DLG2: variants seen among roughly 807,000 people sequenced by gnomAD.
The protein encoded by DLG2 is discs large MAGUK scaffold protein 2.
In DLG2, 45 loss-of-function variants were observed where a neutral mutation model predicts 132.5. The ratio of observed to expected loss-of-function variants is 0.34; its 90% CI spans 0.27 to 0.44. The LOEUF (loss-of-function observed/expected upper bound fraction) is 0.44, where lower values mean the gene tolerates loss of function less well. Ranked by LOEUF, DLG2 falls within the 20% of genes least tolerant of loss-of-function variation. The pLI is 1.00. For synonymous variants in DLG2, 424 were observed against 419.6 expected (o/e 1.01, Z -0.13); for missense variants, 1,045 against 1,196.9 (o/e 0.87, Z 1.87).
At chr11:84,999,301 T>G (rs1156833410) in intron 6 of DLG2, among the ~76,000 whole-genome samples, 1 of 152,184 alleles carries the variant, frequency 6.6e-6, no homozygotes, top group East Asian at 1.9e-4. Flanking sequence ...TTACTCATTT[T>G]TTATTCTCTG....
At chr11:84,647,822 TAC>T (rs1240008170) in intron 6 of DLG2, among the ~76,000 whole-genome samples, 1 of 152,204 alleles carries the variant, frequency 6.6e-6, no homozygotes, top group Non-Finnish European at 1.5e-5. Flanking sequence ...GGTGTGAATG[TAC>T]AGTGAAATGA....
chr11:84,777,324 T>TATATATATATATAC (rs1449220928), intron 6 of DLG2, among the ~76,000 whole-genome samples: 23 of 105,910 alleles, frequency 2.2e-4, no homozygotes, highest in South Asian at 3.2e-4. Context: ...TATATATATA[T>TATATATATATATAC]ACGTTTTCTT....
chr11:84,225,416 T>C (rs1195212551), intron 8 of DLG2, among the ~76,000 whole-genome samples: 1 of 152,254 alleles, frequency 6.6e-6, no homozygotes, highest in Non-Finnish European at 1.5e-5. Flanking sequence ...AATCCTGCTC[T>C]GTATATCTGG....
At chr11:83,490,877 A>G (rs2093801974) in intron 21 of DLG2, among the ~76,000 whole-genome samples, 1 of 152,028 alleles carries the variant, frequency 6.6e-6, no homozygotes, top group Non-Finnish European at 1.5e-5. Flanking sequence ...TGTAGTCCTG[A>G]GTCAGAAAAA....
intron 6 of DLG2, among the ~76,000 whole-genome samples, chr11:84,569,644 G>T (rs1315499533): frequency 2.6e-5 from 4 of 152,104 alleles, no homozygotes; most frequent in Non-Finnish European, 5.9e-5. Context: ...AGGAAGAAAA[G>T]GTCAGTGTAC....
chr11:84,792,073 C>T lies in DLG2; in HGVS notation c.358-257342G>A, dbSNP rs373407527. Among the ~76,000 whole-genome samples, 9 of 152,282 alleles carry T rather than the reference C, an allele frequency of 5.9e-5. No homozygotes were observed. The East Asian group carries it at 1.7e-3, about 29-fold the overall frequency. On this transcript the variant is annotated intron_variant, in intron 6 of 27. Coordinates refer to ENST00000376104, the MANE Select transcript of DLG2 (RefSeq NM_001142699.3). ...ATTATGATACTAGCTTTGTGTCTGA[C>T]ATATATGACTTTTATTATGTTGTAG...
intron 7 of DLG2, among the ~76,000 whole-genome samples, chr11:84,371,157 C>T (rs887780499): frequency 6.6e-6 from 1 of 151,596 alleles, no homozygotes; most frequent in East Asian, 1.9e-4. Context: ...AGACAAGCTG[C>T]GATTTTAATA....
intron 3 of DLG2, among the ~76,000 whole-genome samples, chr11:85,562,000 C>G (rs958028662): frequency 1.3e-5 from 2 of 151,824 alleles, no homozygotes; most frequent in Non-Finnish European, 2.9e-5. Context: ...CAGTAAATTA[C>G]TTATCTGCAG....
intron 6 of DLG2, among the ~76,000 whole-genome samples, chr11:85,043,421 G>C (rs953666935): frequency 6.6e-6 from 1 of 151,712 alleles, no homozygotes. Context: ...AGATGAGAAA[G>C]CTTCACCAAA....
chr11:85,542,471 T>C (rs1457856770), intron 3 of DLG2, among the ~76,000 whole-genome samples: 2 of 152,196 alleles, frequency 1.3e-5, no homozygotes, highest in African/African-American at 4.8e-5. Context: ...ATACATTTTG[T>C]TTATGAAGTA....
chr11:84,596,528 T>G (rs374936550), intron 6 of DLG2, among the ~76,000 whole-genome samples: 1 of 151,990 alleles, frequency 6.6e-6, no homozygotes, highest in East Asian at 1.9e-4. Context: ...CAGCCTACTC[T>G]GTTGAAATTT....
At chr11:85,208,666 GA>G (rs1392724945) in intron 4 of DLG2, among the ~76,000 whole-genome samples, 1 of 152,098 alleles carries the variant, frequency 6.6e-6, no homozygotes, top group Non-Finnish European at 1.5e-5. Context: ...AATGTCTGCT[GA>G]GCCAGGTTAA....
intron 7 of DLG2, among the ~76,000 whole-genome samples, chr11:84,508,743 C>A (rs2099249437): frequency 6.6e-6 from 1 of 152,138 alleles, no homozygotes; most frequent in South Asian, 2.1e-4. Context: ...ATAGCACTTA[C>A]CATCATCTGA....
intron 9 of DLG2, among the ~76,000 whole-genome samples, chr11:84,162,623 A>C (rs1436872790): frequency 6.6e-6 from 1 of 152,118 alleles, no homozygotes; most frequent in Non-Finnish European, 1.5e-5. Flanking sequence ...TTCTGGGTCA[A>C]AGAGTGTATT....
intron 24 of DLG2, among the ~76,000 whole-genome samples, chr11:83,471,179 G>C (rs1480913089): frequency 6.6e-6 from 1 of 152,034 alleles, no homozygotes; most frequent in African/African-American, 2.4e-5. Flanking sequence ...TGTCAACATG[G>C]GAAAGCCTAT....
At chr11:85,066,979 G>A (rs1019404186) in intron 6 of DLG2, among the ~76,000 whole-genome samples, 3 of 151,584 alleles carry the variant, frequency 2.0e-5, no homozygotes, top group African/African-American at 7.3e-5. Context: ...TTAGAAAACG[G>A]GAAGTCAAAT....
At chr11:84,970,109 A>G (rs2053872576) in intron 6 of DLG2, among the ~76,000 whole-genome samples, 1 of 152,136 alleles carries the variant, frequency 6.6e-6, no homozygotes. Context: ...TGGCACGTGT[A>G]TACCCATGTA....
chr11:84,096,947 C>T (rs1256321249), intron 10 of DLG2, among the ~76,000 whole-genome samples: 2 of 151,504 alleles, frequency 1.3e-5, no homozygotes, highest in African/African-American at 2.4e-5. Context: ...AAACATGCAG[C>T]TGTCAAAAGT....
chr11:83,700,564 G>A (rs1005111008), intron 18 of DLG2, among the ~76,000 whole-genome samples: 1 of 152,150 alleles, frequency 6.6e-6, no homozygotes, highest in African/African-American at 2.4e-5. Flanking sequence ...CCATGACTCT[G>A]AGAATTAGAA....
Sources: allele counts gnomAD v4.1 joint callset (sites outside exome capture counted in the v4.1 genomes callset), GRCh38; gene constraint gnomAD v4.1.1; transcripts MANE v1.5; gene names NCBI Gene and HGNC (gene_info 2026-07-23, HGNC 2026-07-21).